RGS7: variants seen among roughly 807,000 people sequenced by gnomAD.
RGS7 encodes the protein regulator of G-protein signaling 7.
A neutral mutation model predicts 81.1 loss-of-function variants in RGS7; 27 were observed. The ratio of observed to expected loss-of-function variants is 0.33; its 90% CI spans 0.25 to 0.46. RGS7 has a LOEUF of 0.46. Among genes scored for constraint, RGS7 ranks in the 20% least tolerant of loss-of-function variants. The pLI is 1.00. For synonymous variants in RGS7, 208 were observed against 207.7 expected, an observed-to-expected ratio of 1.00 and a Z score of -0.01; for missense variants, 396 against 607.4, an observed-to-expected ratio of 0.65 and a Z score of 3.66.
intron 2 of RGS7, among the ~76,000 whole-genome samples, chr1:241,328,746 C>G (rs901787256): frequency 2.6e-5 from 4 of 152,140 alleles, no homozygotes; most frequent in Admixed American, 2.0e-4. Flanking sequence ...CTTCTTGTAA[C>G]ACAGTTTCTT....
chr1:241,145,112 G>A (rs1451522736), intron 2 of RGS7, among the ~76,000 whole-genome samples: 1 of 151,730 alleles, frequency 6.6e-6, no homozygotes, highest in Non-Finnish European at 1.5e-5. Context: ...CGCCTCCTCA[G>A]TTCAAGCGAT....
chr1:241,287,250 T>C (rs1405894314), intron 2 of RGS7, among the ~76,000 whole-genome samples: 4 of 152,194 alleles, frequency 2.6e-5, no homozygotes, highest in Non-Finnish European at 5.9e-5. Context: ...ATGGTTTGGC[T>C]GTGTCCCCAC....
intron 2 of RGS7, among the ~76,000 whole-genome samples, chr1:241,106,903 T>G (rs1457273093): frequency 6.6e-6 from 1 of 151,712 alleles, no homozygotes; most frequent in East Asian, 1.9e-4. Context: ...CTGCTTTTTT[T>G]TTTTTAAATA....
chr1:240,786,784 T>C (rs1435891808), intron 18 of RGS7, among the ~76,000 whole-genome samples: 1 of 152,252 alleles, frequency 6.6e-6, no homozygotes, highest in Non-Finnish European at 1.5e-5. Context: ...CTTTAAAATA[T>C]AATTTTTAAC....
At chr1:241,182,107 T>C (rs545682262) in intron 2 of RGS7, among the ~76,000 whole-genome samples, 1 of 152,308 alleles carries the variant, frequency 6.6e-6, no homozygotes, top group Non-Finnish European at 1.5e-5. Context: ...TTGGAATTCT[T>C]GCTCTCTGTT....
chr1:240,856,278 T>C (rs555001487), intron 9 of RGS7, among the ~76,000 whole-genome samples: 17 of 152,330 alleles, frequency 1.1e-4, no homozygotes, highest in African/African-American at 3.8e-4. Flanking sequence ...AACAGCTATA[T>C]TCATAGCTCT....
chr1:241,327,163 G>C (rs953156751), intron 2 of RGS7, among the ~76,000 whole-genome samples: 64 of 137,466 alleles, frequency 4.7e-4, no homozygotes, highest in Non-Finnish European at 7.3e-4. Flanking sequence ...AAGAAAGAAA[G>C]AAACACACAG....
At chr1:241,335,867 A>T (rs2082215406) in intron 2 of RGS7, among the ~76,000 whole-genome samples, 1 of 152,150 alleles carries the variant, frequency 6.6e-6, no homozygotes. Context: ...GGATTCAGGG[A>T]GATATTAAAA....
chr1:240,970,663 C>T (rs1380192280), intron 4 of RGS7, among the ~76,000 whole-genome samples: 1 of 152,070 alleles, frequency 6.6e-6, no homozygotes, highest in Non-Finnish European at 1.5e-5. Context: ...CAAGAGGCCA[C>T]CAAAAGAGAG....
In RGS7 at chr1:241,022,475, T is replaced by C. The variant is rs936270470; in HGVS notation, c.176-39346A>G. On this transcript the variant is annotated intron_variant, in intron 3 of 18. Transcript: ENST00000440928. ...TCACTGTTGTAAAACCTGAGATTAG[T>C]GTTTGAGATACTTTGCAGAGTCTAC... Among the ~76,000 whole-genome samples the C allele has an allele frequency of 2.0e-5, 3 of 152,180 alleles. No individual in the cohort carries two copies. The East Asian group carries it at 5.8e-4, about 29-fold the overall frequency.
At chr1:240,863,670 C>T (rs916725740) in intron 9 of RGS7, among the ~76,000 whole-genome samples, 1 of 152,008 alleles carries the variant, frequency 6.6e-6, no homozygotes, top group African/African-American at 2.4e-5. Flanking sequence ...AGTTGGATTC[C>T]CCTAGGTCAG....
In RGS7 at chr1:240,999,591, C is replaced by T. The variant is rs1307438534; in HGVS notation, c.176-16462G>A. ...TTAGAGGTCTTCCTGGTTCTTGGTA[C>T]GATGAGTATTTTGTTGTTGTTGTTG... On this transcript the variant is annotated intron_variant, in intron 3 of 18. Coordinates refer to ENST00000440928, the MANE Select transcript of RGS7 (RefSeq NM_001364886.1). 5.3e-5 allele frequency among the ~76,000 whole-genome samples: 8 copies of T among 152,142 alleles called. No individual in the cohort carries two copies. The East Asian group carries it at 7.8e-4, about 15-fold the overall frequency.
At chr1:240,935,619 A>G (rs1370630984) in intron 5 of RGS7, among the ~76,000 whole-genome samples, 1 of 152,204 alleles carries the variant, frequency 6.6e-6, no homozygotes, top group Non-Finnish European at 1.5e-5. Flanking sequence ...AGACTGTTCT[A>G]TGAGGACAAT....
In RGS7 at chr1:241,216,603, A is replaced by G. The variant is rs1415971783; in HGVS notation, c.79-117841T>C. 7.2e-5 allele frequency among the ~76,000 whole-genome samples: 11 copies of G among 152,196 alleles called. No homozygotes were observed. In the East Asian group the frequency reaches 2.1e-3, roughly 29 times the overall value. ...TCCTTCTTTATTCCCTATTCACGCT[A>G]TTGAACATGTCTATCCCAACCCTTT... On this transcript the variant is annotated intron_variant, in intron 2 of 18. Transcript: ENST00000440928.
At chr1:240,917,548 T>C (rs901554639) in intron 6 of RGS7, among the ~76,000 whole-genome samples, 1 of 152,166 alleles carries the variant, frequency 6.6e-6, no homozygotes, top group Non-Finnish European at 1.5e-5. Context: ...TACCTAAAAA[T>C]GGACTTGGAT....
chr1:241,106,807 T>G (rs1572716742), intron 2 of RGS7, among the ~76,000 whole-genome samples: 1 of 133,242 alleles, frequency 7.5e-6, no homozygotes, highest in Non-Finnish European at 1.6e-5. Context: ...ATTTGAAAGC[T>G]TAGAAGCTTA....
At chr1:240,849,652 G>C (rs1055278206) in intron 9 of RGS7, among the ~76,000 whole-genome samples, 4 of 152,070 alleles carry the variant, frequency 2.6e-5, no homozygotes, top group African/African-American at 9.7e-5. Context: ...GAGAGATCTG[G>C]TTGTTTAAAA....
At chr1:240,934,370 TG>T (rs1473540831) in intron 5 of RGS7, among the ~76,000 whole-genome samples, 4 of 152,246 alleles carry the variant, frequency 2.6e-5, no homozygotes, top group African/African-American at 9.6e-5. Flanking sequence ...TCCAAGGAGT[TG>T]AATTTCACTT....
rs1236724232 is a variant in RGS7 at position 241,271,992 on chromosome 1, T to TA, written c.78+83706_78+83707insT. ...CTGACTACTAGAATTTCTTTTTTTT[T>TA]TTTTTTATTTTTATTTTTTGAGATG... On this transcript the variant is annotated intron_variant, in intron 2 of 18. Coordinates refer to ENST00000440928, the MANE Select transcript of RGS7 (RefSeq NM_001364886.1). This position sits in a 1 kb window ranked among gnomAD's most constrained non-coding sequence, Gnocchi z 4.6. 7.0e-6 allele frequency among the ~76,000 whole-genome samples: 1 copy of TA among 142,162 alleles called. No homozygotes were observed. The highest frequency in any genetic ancestry group is 1.5e-5 in the Non-Finnish European group (1 of 64,762). The allele number at this position is 142,162 out of a possible 152,430, so 93.3% of individuals were successfully genotyped here. A position where few individuals can be genotyped will look rare whatever the true frequency, so the allele number is the denominator to read the frequency against.
Sources: allele counts gnomAD v4.1 joint callset (sites outside exome capture counted in the v4.1 genomes callset), GRCh38; gene constraint gnomAD v4.1.1; non-coding constraint Gnocchi (gnomAD v3.1); transcripts MANE v1.5; gene names NCBI Gene and HGNC (gene_info 2026-07-23, HGNC 2026-07-21).